CFAP70: variants seen among roughly 807,000 people sequenced by gnomAD.
The protein encoded by CFAP70 is cilia- and flagella-associated protein 70.
A neutral mutation model predicts 137.6 loss-of-function variants in CFAP70; 81 were observed. The ratio of observed to expected loss-of-function variants is 0.59; its 90% CI spans 0.49 to 0.71. The LOEUF (loss-of-function observed/expected upper bound fraction) is 0.71. Ranked by LOEUF, CFAP70 falls within the 30% of genes least tolerant of loss-of-function variation. CFAP70 has a pLI of 0.00. For synonymous variants in CFAP70, 382 were observed against 423.6 expected, an observed-to-expected ratio of 0.90 and a Z score of 1.20; for missense variants, 976 against 1,226.7, an observed-to-expected ratio of 0.80 and a Z score of 3.05.
chr10:73,256,902 CAAAAAAAAAAAAA>C (rs55805225), intron 25 of CFAP70, among the ~76,000 whole-genome samples: 1 of 58,324 alleles, frequency 1.7e-5, no homozygotes, highest in Middle Eastern at 0.011. Flanking sequence ...GACTCCATCT[CAAAAAAAAAAAAA>C]AAAAAAAAAA....
chr10:73,291,892 A>C (rs1471756884), exon 17 of CFAP70: 2 of 1,614,050 alleles, frequency 1.2e-6, no homozygotes, highest in South Asian at 2.2e-5. Context: ...TGTGGATATG[A>C]CTCTGGTTGA....
upstream of CFAP70, among the ~76,000 whole-genome samples, chr10:73,362,754 CTTTGT>C (rs1177606702): frequency 6.6e-6 from 1 of 151,928 alleles, no homozygotes; most frequent in Admixed American, 6.6e-5. Context: ...TTTAGATGCC[CTTTGT>C]TTCTTTCTCT....
chr10:73,308,549 A>C (rs749029505), intron 12 of CFAP70, among the ~76,000 whole-genome samples: 17 of 151,182 alleles, frequency 1.1e-4, no homozygotes, highest in Non-Finnish European at 2.1e-4. Context: ...AATCACTTGA[A>C]CCCAGGAGGC....
At chr10:73,273,913 G>A (rs975956804) in intron 23 of CFAP70, among the ~76,000 whole-genome samples, 1 of 152,154 alleles carries the variant, frequency 6.6e-6, no homozygotes, top group African/African-American at 2.4e-5. Context: ...TATTCTGTTT[G>A]CTTTGTATGT....
At chr10:73,347,525 T>C (rs978816414) in intron 4 of CFAP70, among the ~76,000 whole-genome samples, 14 of 152,162 alleles carry the variant, frequency 9.2e-5, no homozygotes, top group African/African-American at 3.1e-4. Flanking sequence ...AAGGAATATA[T>C]ATATGTCATG....
intron 24 of CFAP70, among the ~76,000 whole-genome samples, chr10:73,271,814 C>G (rs1564760997): frequency 6.6e-6 from 1 of 152,090 alleles, no homozygotes; most frequent in Admixed American, 6.5e-5. Context: ...ATCCTCCCAC[C>G]TTAGCCTTCC....
intron 8 of CFAP70, among the ~76,000 whole-genome samples, chr10:73,323,983 G>A (rs1169104245): frequency 6.6e-6 from 1 of 152,158 alleles, no homozygotes; most frequent in Non-Finnish European, 1.5e-5. Context: ...AGAGAGCAGT[G>A]GTTCTCCCAG....
chr10:73,300,588 C>T (rs984753117), intron 12 of CFAP70, among the ~76,000 whole-genome samples: 18 of 152,084 alleles, frequency 1.2e-4, no homozygotes, highest in Non-Finnish European at 2.1e-4. Flanking sequence ...AGAGGCCAGC[C>T]ATGGTGGCTC....
chr10:73,254,290 G>C (rs1340154143), intron 26 of CFAP70: 7 of 339,700 alleles, frequency 2.1e-5, no homozygotes, highest in South Asian at 1.5e-4. Context: ...GCACGGTCAT[G>C]ATTTGTACAT....
chr10:73,311,663 TAC>T (rs1379722353), intron 11 of CFAP70, among the ~76,000 whole-genome samples, 169 bp downstream of exon 12: 1 of 152,234 alleles, frequency 6.6e-6, no homozygotes. Flanking sequence ...CAGTTCACTT[TAC>T]AGAGTTTCAA....
chr10:73,328,829 G>A (rs1252033829), intron 8 of CFAP70, among the ~76,000 whole-genome samples: 2 of 151,178 alleles, frequency 1.3e-5, no homozygotes, highest in Admixed American at 6.6e-5. Context: ...TCATTAAAAA[G>A]TCAGGAAACA....
exon 6 of CFAP70, chr10:73,341,418 C>CCTT (rs770654400): frequency 6.2e-7 from 1 of 1,612,696 alleles, no homozygotes; most frequent in Non-Finnish European, 8.5e-7. Flanking sequence ...GTTGAGTTCT[C>CCTT]CTTCTTCTTC....
At chr10:73,324,648 G>A (rs1564843742) in intron 8 of CFAP70, among the ~76,000 whole-genome samples, 1 of 152,216 alleles carries the variant, frequency 6.6e-6, no homozygotes, top group Non-Finnish European at 1.5e-5. Context: ...TAAAGGAGCT[G>A]ATGGAGCTGA....
intron 9 of CFAP70, among the ~76,000 whole-genome samples, chr10:73,317,538 T>C (rs12572661): frequency 0.11 from 16,084 of 152,230 alleles, 1,229 homozygotes; most frequent in East Asian, 0.3. Context: ...AATGTGTATA[T>C]TTTGGGTCTC....
At chr10:73,330,204 C>A (rs1249521120) in intron 8 of CFAP70, among the ~76,000 whole-genome samples, 1 of 152,054 alleles carries the variant, frequency 6.6e-6, no homozygotes, top group East Asian at 1.9e-4. Flanking sequence ...ATAATCCCAG[C>A]ACTTTGGGAG....
intron 19 of CFAP70, among the ~76,000 whole-genome samples, chr10:73,291,005 ACTTTT>A (rs1487198663): frequency 2.0e-5 from 3 of 151,992 alleles, no homozygotes; most frequent in Admixed American, 2.0e-4. Flanking sequence ...TAGGGCCAGT[ACTTTT>A]CTTTTTATTT....
At chr10:73,300,727 G>T (rs2048883539) in intron 12 of CFAP70, among the ~76,000 whole-genome samples, 2 of 152,174 alleles carry the variant, frequency 1.3e-5, no homozygotes, top group African/African-American at 2.4e-5. Context: ...GCTGGGTGTA[G>T]TGGTGTGTGC....
chr10:73,339,031 G>A (rs989024866), intron 6 of CFAP70, among the ~76,000 whole-genome samples: 8 of 151,082 alleles, frequency 5.3e-5, no homozygotes, highest in Non-Finnish European at 8.8e-5. Flanking sequence ...TGATTCTTGT[G>A]CTTCAGCCTC....
At chr10:73,271,488 G>A (rs1343947367) in intron 24 of CFAP70, among the ~76,000 whole-genome samples, 1 of 152,086 alleles carries the variant, frequency 6.6e-6, no homozygotes, top group Non-Finnish European at 1.5e-5. Context: ...CTCCAGCTTG[G>A]GTGACAGAGC....
Sources: allele counts gnomAD v4.1 joint callset (sites outside exome capture counted in the v4.1 genomes callset), GRCh38; gene constraint gnomAD v4.1.1; transcripts MANE v1.5; gene names NCBI Gene and HGNC (gene_info 2026-07-23, HGNC 2026-07-21).